The following PPTC7 variants were observed in gnomAD, a reference collection of about 807,000 sequenced individuals.
PPTC7 encodes the protein protein phosphatase targeting COQ7.
PPTC7 carries 6 observed loss-of-function variants against 30.8 expected under a neutral mutation model. The ratio of observed to expected loss-of-function variants is 0.19; its 90% CI spans 0.11 to 0.38. PPTC7 has a LOEUF of 0.38. Ranked by LOEUF, PPTC7 falls within the 10% of genes least tolerant of loss-of-function variation. The pLI is 1.00. For missense variants in PPTC7, 218 were observed against 404.8 expected, an observed-to-expected ratio of 0.54 and a Z score of 3.96; for synonymous variants, 163 against 168.1, an observed-to-expected ratio of 0.97 and a Z score of 0.23.
At chr12:110,540,894 G>C (rs191472890) in intron 3 of PPTC7, among the ~76,000 whole-genome samples, 43 of 151,822 alleles carry the variant, frequency 2.8e-4, no homozygotes, top group African/African-American at 1.0e-3. Context: ...TCCTGGCGCA[G>C]CCTCCCGAGT....
At chr12:110,582,502 G>C (rs542088945) in intron 1 of PPTC7, among the ~76,000 whole-genome samples, 1 of 152,326 alleles carries the variant, frequency 6.6e-6, no homozygotes, top group South Asian at 2.1e-4. Context: ...CCCAGGGCTG[G>C]CACGGCCGAG....
At chr12:110,560,125 C>T (rs546295838) in intron 1 of PPTC7, among the ~76,000 whole-genome samples, 46 of 152,010 alleles carry the variant, frequency 3.0e-4, no homozygotes, top group Non-Finnish European at 5.9e-4. Flanking sequence ...TATGACCAGG[C>T]GTGGTAGCTC....
At chr12:110,546,135 C>T (rs2064304213) in intron 2 of PPTC7, 57 bp from the exon 3 acceptor site, 2 of 1,361,266 alleles carry the variant, frequency 1.5e-6, no homozygotes, top group Admixed American at 3.8e-5. Flanking sequence ...TTTGCACACA[C>T]ATTTTAACAC....
At position 110,533,705 on chromosome 12, in the gene PPTC7, C is replaced by A. The variant is rs2064192009; in HGVS notation, c.*3332G>T. 6.6e-6 allele frequency: 1 copy of A among 152,166 alleles called. No individual in the cohort carries two copies. Among genetic ancestry groups the A allele is most frequent in the Non-Finnish European group, 1.5e-5 (1 of 68,028 alleles). The allele number at this position is 152,166 out of a possible 1,614,324, so 9.4% of individuals were successfully genotyped here. On this transcript the variant is annotated 3_prime_UTR_variant, in exon 6 of 6. Coordinates refer to ENST00000354300, the MANE Select transcript of PPTC7 (RefSeq NM_139283.2). ...GCTGGTATTAAGGTGACCTAAAGAA[C>A]CATGAACTCATCCAAAGTACAAACG... is the stretch of plus-strand genomic sequence containing the variant.
intron 1 of PPTC7, among the ~76,000 whole-genome samples, chr12:110,561,899 G>A (rs965687627): frequency 2.0e-5 from 3 of 151,964 alleles, no homozygotes; most frequent in African/African-American, 7.3e-5. Flanking sequence ...CTGTGATCGT[G>A]CCACTGTACA....
At chr12:110,574,537 TAGAG>T (rs895579292) in intron 1 of PPTC7, among the ~76,000 whole-genome samples, 1 of 152,194 alleles carries the variant, frequency 6.6e-6, no homozygotes, top group African/African-American at 2.4e-5. Context: ...TTTTTCCTGT[TAGAG>T]ATTTTATTCA....
chr12:110,537,175 G>A, intron 5 of PPTC7, 80 bp from the exon 6 acceptor site: 1 of 1,118,106 alleles, frequency 8.9e-7, no homozygotes, highest in East Asian at 2.4e-5. Flanking sequence ...TAAGTACTAG[G>A]AGACAAATGC....
At chr12:110,552,063 A>G (rs2064353296) in intron 1 of PPTC7, 95 bp from the exon 2 acceptor site, 3 of 928,708 alleles carry the variant, frequency 3.2e-6, no homozygotes, top group African/African-American at 3.3e-5. Flanking sequence ...ATTTCACTAC[A>G]TGCTACTACA....
chr12:110,537,915 C>T (rs1004883133), intron 5 of PPTC7, among the ~76,000 whole-genome samples: 2 of 152,172 alleles, frequency 1.3e-5, no homozygotes, highest in Non-Finnish European at 2.9e-5. Context: ...GCTTCAGGTT[C>T]CACCTGCCTC....
intron 1 of PPTC7, among the ~76,000 whole-genome samples, chr12:110,556,931 C>T (rs1470403845): frequency 2.0e-5 from 3 of 152,036 alleles, no homozygotes; most frequent in South Asian, 2.1e-4. Flanking sequence ...AAGTGGCATT[C>T]GGATAGGCCC....
chr12:110,572,672 G>T (rs866040776), intron 1 of PPTC7, among the ~76,000 whole-genome samples: 3 of 151,964 alleles, frequency 2.0e-5, no homozygotes, highest in African/African-American at 7.3e-5. Context: ...TAGTCCTTAG[G>T]ATTCATACCA....
At position 110,583,063 on chromosome 12, in the gene PPTC7, G is replaced by T; in HGVS notation, c.-32C>A. ...CGCCGCCCCCCCGAGGAGGCGGGGG[G>T]CCGGGGGAGCAGGAGGACGCGGAGG... On this transcript the variant is annotated 5_prime_UTR_variant, in exon 1 of 6. Coordinates refer to ENST00000354300, the MANE Select transcript of PPTC7 (RefSeq NM_139283.2). 7.3e-7 allele frequency: 1 copy of T among 1,362,454 alleles called. No homozygotes were observed. Among genetic ancestry groups the T allele is most frequent in the East Asian group, 3.1e-5 (1 of 32,766 alleles). The allele number at this position is 1,362,454 out of a possible 1,614,324, so 84.4% of individuals were successfully genotyped here.
intron 1 of PPTC7, among the ~76,000 whole-genome samples, chr12:110,565,914 TGAA>T (rs1011228622): frequency 5.3e-5 from 8 of 152,128 alleles, no homozygotes; most frequent in South Asian, 4.1e-4. Context: ...AAAGGATTAA[TGAA>T]GAAGTGTCTG....
chr12:110,544,183 T>G (rs2064287143), intron 3 of PPTC7, among the ~76,000 whole-genome samples: 2 of 152,358 alleles, frequency 1.3e-5, no homozygotes, highest in African/African-American at 4.8e-5. Context: ...GAAGAATATT[T>G]AGACTTTTAC....
chr12:110,550,222 GA>G (rs887246552), intron 2 of PPTC7, among the ~76,000 whole-genome samples: 9 of 144,186 alleles, frequency 6.2e-5, no homozygotes, highest in Non-Finnish European at 1.2e-4. Context: ...AACAGGGGCT[GA>G]TTTTTTTTTT....
intron 1 of PPTC7, among the ~76,000 whole-genome samples, chr12:110,562,987 T>C (rs2064450933): frequency 6.6e-6 from 1 of 151,236 alleles, no homozygotes; most frequent in Non-Finnish European, 1.5e-5. Flanking sequence ...CTGGACTTGG[T>C]GGTAGGCACC....
At chr12:110,558,992 GTATTT>G (rs1018078976) in intron 1 of PPTC7, among the ~76,000 whole-genome samples, 6 of 152,020 alleles carry the variant, frequency 3.9e-5, no homozygotes, top group Non-Finnish European at 5.9e-5. Context: ...TTTTTACAAA[GTATTT>G]TATTAAGTTT....
chr12:110,562,145 C>G (rs564418244), intron 1 of PPTC7, among the ~76,000 whole-genome samples: 8 of 151,684 alleles, frequency 5.3e-5, no homozygotes, highest in East Asian at 1.9e-4. Context: ...ATTAGCCATG[C>G]CTGGTGGCGC....
rs770672237 is a variant in PPTC7, at chr12:110,559,730, G to GA, written c.224-7763dup. On this transcript the variant is annotated intron_variant, in intron 1 of 5. Transcript: ENST00000354300. ...GACAGAGCAAGACTCAGCCTCAGGG[G>GA]AAAAAAAAAAAAAAAAAAAAGAAAT... Among the ~76,000 whole-genome samples the GA allele has an allele frequency of 4.4e-3, 396 of 89,572 alleles. 2 individuals are homozygous for GA. The highest frequency in any genetic ancestry group is 6.1e-3 in the African/African-American group (145 of 23,906). The allele number at this position is 89,572 out of a possible 152,430, so 58.8% of individuals were successfully genotyped here.
Sources: gnomAD v4.1 joint callset for allele counts (sites outside exome capture counted in the v4.1 genomes callset) on GRCh38, gnomAD v4.1.1 for gene constraint, MANE v1.5 for transcripts, NCBI Gene and HGNC (gene_info 2026-07-23, HGNC 2026-07-21) for gene names.